The following SOX5 variants were observed in gnomAD, a reference collection of about 807,000 sequenced individuals.
The protein encoded by SOX5 is SRY-box transcription factor 5.
SOX5 carries 9 observed loss-of-function variants against 92.0 expected under a neutral mutation model. The ratio of observed to expected loss-of-function variants is 0.10; its 90% CI spans 0.06 to 0.17. SOX5 has a LOEUF of 0.17. Ranked by LOEUF, SOX5 falls within the 10% of genes least tolerant of loss-of-function variation. SOX5 has a pLI of 1.00. For missense variants in SOX5, 642 were observed against 944.5 expected, an observed-to-expected ratio of 0.68 and a Z score of 4.20; for synonymous variants, 344 against 336.3, an observed-to-expected ratio of 1.02 and a Z score of -0.25.
intron 2 of SOX5, among the ~76,000 whole-genome samples, chr12:24,325,319 C>A (rs1379815627): frequency 1.3e-5 from 2 of 152,074 alleles, no homozygotes; most frequent in African/African-American, 2.4e-5. Context: ...TGAGTGCAAT[C>A]TTTTATAGTT....
At chr12:23,779,685 C>T (rs1284894911) in intron 3 of SOX5, among the ~76,000 whole-genome samples, 1 of 150,300 alleles carries the variant, frequency 6.7e-6, no homozygotes, top group Non-Finnish European at 1.5e-5. Context: ...ATGGGAACTT[C>T]TTATTTCTGT....
chr12:23,739,082 C>A (rs1194926926), intron 5 of SOX5, among the ~76,000 whole-genome samples: 5 of 152,152 alleles, frequency 3.3e-5, no homozygotes, highest in Non-Finnish European at 5.9e-5. Context: ...TTCTTCATGC[C>A]ATTCAACCCT....
At chr12:23,989,238 A>T (rs1034888675) in intron 4 of SOX5, among the ~76,000 whole-genome samples, 2 of 149,320 alleles carry the variant, frequency 1.3e-5, no homozygotes, top group Admixed American at 6.7e-5. Context: ...AAAAAAAAAA[A>T]AAAATTAGCT....
intron 2 of SOX5, among the ~76,000 whole-genome samples, chr12:23,872,836 C>A (rs2096889672): frequency 6.6e-6 from 1 of 152,090 alleles, no homozygotes; most frequent in South Asian, 2.1e-4. Context: ...AAGGAGGCAG[C>A]AACTTAGGGA....
chr12:24,291,888 G>A (rs553548442), intron 2 of SOX5, among the ~76,000 whole-genome samples: 2 of 152,324 alleles, frequency 1.3e-5, no homozygotes, highest in South Asian at 4.1e-4. Flanking sequence ...AGGAAGCACT[G>A]TGGTTGCCAG....
Position 23,543,407 on chromosome 12 carries a change from C to T in SOX5, c.1598-23G>A, listed in dbSNP as rs1238226531. On this transcript the variant is annotated intron_variant, in intron 12 of 14. Transcript: ENST00000451604. ...TTCCTGAAAACAGGAAACATCACTT[C>T]GTGTTAGCGTTAAAACTTTTGTCAG... is the stretch of plus-strand genomic sequence containing the variant. 6.3e-6 allele frequency: 10 copies of T among 1,597,112 alleles called. No homozygotes were observed. The East Asian group carries it at 6.7e-5, about 11-fold the overall frequency.
chr12:24,494,174 TG>T (rs1947377642), intron 1 of SOX5, among the ~76,000 whole-genome samples: 2 of 152,136 alleles, frequency 1.3e-5, no homozygotes, highest in African/African-American at 2.4e-5. Context: ...TGTCTAGGTA[TG>T]GAAGTAACTC....
At chr12:24,143,813 AAAG>A (rs564346531) in intron 4 of SOX5, among the ~76,000 whole-genome samples, 22 of 151,944 alleles carry the variant, frequency 1.4e-4, no homozygotes, top group East Asian at 9.6e-4. Context: ...ATGGAGAAGA[AAAG>A]AAGAAGAAAG....
chr12:24,537,236 T>A (rs1452893179), intron 1 of SOX5, among the ~76,000 whole-genome samples: 2 of 152,152 alleles, frequency 1.3e-5, no homozygotes. Flanking sequence ...CTGCAACTGG[T>A]AACATGGAAA....
chr12:23,557,853 G>T (rs1945462794), intron 11 of SOX5, among the ~76,000 whole-genome samples: 1 of 151,994 alleles, frequency 6.6e-6, no homozygotes, highest in African/African-American at 2.4e-5. Flanking sequence ...GCACACGCCT[G>T]TAGTCCCAGC....
At chr12:23,872,750 C>A (rs2096888689) in intron 2 of SOX5, among the ~76,000 whole-genome samples, 1 of 152,026 alleles carries the variant, frequency 6.6e-6, no homozygotes, top group Non-Finnish European at 1.5e-5. Context: ...CTAATATAAC[C>A]TTGATTTTAG....
At chr12:24,145,652 T>C (rs1951006865) in intron 4 of SOX5, among the ~76,000 whole-genome samples, 1 of 152,124 alleles carries the variant, frequency 6.6e-6, no homozygotes, top group African/African-American at 2.4e-5. Flanking sequence ...ATGTGCATCA[T>C]ACATGGCTGA....
intron 4 of SOX5, among the ~76,000 whole-genome samples, chr12:24,043,591 T>C (rs1261566394): frequency 6.6e-6 from 1 of 152,138 alleles, no homozygotes; most frequent in African/African-American, 2.4e-5. Flanking sequence ...AAGGTAAGGG[T>C]CCCCCAAGTT....
At chr12:23,808,676 A>T (rs1051238596) in intron 3 of SOX5, among the ~76,000 whole-genome samples, 2 of 152,124 alleles carry the variant, frequency 1.3e-5, no homozygotes, top group Non-Finnish European at 2.9e-5. Context: ...GCATCTTTCC[A>T]TAGTTTTATG....
At chr12:23,973,258 T>TG (rs1948558993) in intron 4 of SOX5, among the ~76,000 whole-genome samples, 1 of 150,342 alleles carries the variant, frequency 6.7e-6, no homozygotes, top group South Asian at 2.1e-4. Flanking sequence ...GCCTCCTGGG[T>TG]TCAAGTGACT....
In SOX5 at chr12:24,443,022, G is replaced by T. The variant is rs193240010; in HGVS notation, c.-250-74383C>A. 3.8e-3 allele frequency among the ~76,000 whole-genome samples: 533 copies of T among 141,792 alleles called. 3 individuals carry two copies. The highest frequency in any genetic ancestry group is 0.013 in the African/African-American group (508 of 38,056). 93.0% of individuals were successfully genotyped at this position (141,792 alleles called of 152,430 possible). A position where few individuals can be genotyped will look rare whatever the true frequency, so the allele number is the denominator to read the frequency against. ...GCTGGAGTGCAGTGGCACAATCTTG[G>T]CTCACTGCCACCTCCGCCTCCTGGA... On this transcript the variant is annotated intron_variant, in intron 1 of 4. Transcript: ENST00000446891.
intron 1 of SOX5, among the ~76,000 whole-genome samples, chr12:24,544,689 T>C (rs1454263313): frequency 2.0e-5 from 3 of 152,216 alleles, no homozygotes; most frequent in African/African-American, 7.2e-5. Context: ...AATTCTATTC[T>C]AAAACCTAAT....
intron 3 of SOX5, among the ~76,000 whole-genome samples, chr12:24,253,008 C>T (rs1940445175): frequency 6.6e-6 from 1 of 151,978 alleles, no homozygotes. Context: ...TTTCAGAGCC[C>T]CTGCAGCCAA....
intron 4 of SOX5, among the ~76,000 whole-genome samples, chr12:23,997,022 A>C (rs1207273975): frequency 6.6e-6 from 1 of 152,222 alleles, no homozygotes; most frequent in East Asian, 1.9e-4. Context: ...GAATGGCCAC[A>C]TGAAGCACTC....
Sources: gnomAD v4.1 joint callset for allele counts (sites outside exome capture counted in the v4.1 genomes callset) on GRCh38, gnomAD v4.1.1 for gene constraint, MANE v1.5 for transcripts, NCBI Gene and HGNC (gene_info 2026-07-23, HGNC 2026-07-21) for gene names.